Variants in SLC67A2 observed in about 807,000 individuals in gnomAD.
SLC67A2 encodes solute carrier family 67 member 2, also known as solute carrier family 67 member A2.
At chr2:102,736,308 C>G in the SLC67A2 span, among the ~76,000 whole-genome samples, 1 of 152,140 alleles carries the variant, frequency 6.6e-6, no homozygotes, top group African/African-American at 2.4e-5. Flanking sequence ...AGCTTGCCCA[C>G]ACCCCTGTTC....
chr2:102,732,652 A>G, the SLC67A2 span, among the ~76,000 whole-genome samples: 55 of 152,362 alleles, frequency 3.6e-4, no homozygotes, highest in South Asian at 8.3e-4. Flanking sequence ...TTCCTCAAAC[A>G]AAACAGACAA....
chr2:102,725,938 C>G, the SLC67A2 span, among the ~76,000 whole-genome samples: 1 of 152,130 alleles, frequency 6.6e-6, no homozygotes, highest in East Asian at 1.9e-4. Flanking sequence ...CCTGCCAGTG[C>G]TCTGACAGGT....
the SLC67A2 span, among the ~76,000 whole-genome samples, chr2:102,714,869 T>C: frequency 3.1e-3 from 479 of 152,328 alleles, 6 homozygotes; most frequent in African/African-American, 0.011. Context: ...TCCAAATAAA[T>C]AGCTGTTTTC....
the SLC67A2 span, chr2:102,716,210 T>TTA: frequency 6.6e-6 from 1 of 152,234 alleles, no homozygotes; most frequent in Non-Finnish European, 1.5e-5. Context: ...ATGTGTCTGA[T>TTA]TATAAAGACT....
chr2:102,736,720 C>G, the SLC67A2 span: 3 of 1,613,832 alleles, frequency 1.9e-6, no homozygotes, highest in Admixed American at 3.3e-5. Flanking sequence ...GCCTCCGCCT[C>G]GGTTCCTGTC....
At chr2:102,734,883 G>A in the SLC67A2 span, among the ~76,000 whole-genome samples, 2 of 152,152 alleles carry the variant, frequency 1.3e-5, no homozygotes, top group Admixed American at 6.5e-5. Flanking sequence ...AATGATCTGC[G>A]AATTGCTTTG....
the SLC67A2 span, among the ~76,000 whole-genome samples, chr2:102,733,967 TTCCTC>T: frequency 2.0e-5 from 3 of 152,176 alleles, no homozygotes; most frequent in Non-Finnish European, 1.5e-5. Flanking sequence ...CACTGAATCT[TTCCTC>T]TCAGGAAGTT....
chr2:102,736,645 C>T, the SLC67A2 span: 1 of 1,613,968 alleles, frequency 6.2e-7, no homozygotes, highest in Non-Finnish European at 8.5e-7. Context: ...CTCGCACTCA[C>T]CAAGAAGCCC....
At chr2:102,735,781 T>C in the SLC67A2 span, among the ~76,000 whole-genome samples, 1 of 151,874 alleles carries the variant, frequency 6.6e-6, no homozygotes, top group East Asian at 2.0e-4. Flanking sequence ...ATGAATCAGC[T>C]TACTAAACTT....
chr2:102,718,795 C>A, the SLC67A2 span: 2 of 1,613,768 alleles, frequency 1.2e-6, no homozygotes, highest in Non-Finnish European at 1.7e-6. Context: ...GCAGTGCCTG[C>A]GAGTTGTGCT....
the SLC67A2 span, among the ~76,000 whole-genome samples, chr2:102,731,221 G>GA: frequency 6.6e-6 from 1 of 150,996 alleles, no homozygotes; most frequent in Non-Finnish European, 1.5e-5. Context: ...TTTCTACTTG[G>GA]AAAAATGGAA....
At chr2:102,727,425 C>T in the SLC67A2 span, among the ~76,000 whole-genome samples, 1 of 152,170 alleles carries the variant, frequency 6.6e-6, no homozygotes, top group South Asian at 2.1e-4. Flanking sequence ...AGTGGTCATA[C>T]AATATGCTCT....
chr2:102,733,233 T>A, the SLC67A2 span, among the ~76,000 whole-genome samples: 1 of 152,234 alleles, frequency 6.6e-6, no homozygotes, highest in African/African-American at 2.4e-5. Flanking sequence ...CTCACTAGGT[T>A]ACCTGCTACA....
the SLC67A2 span, among the ~76,000 whole-genome samples, chr2:102,735,381 C>T: frequency 2.0e-4 from 31 of 152,318 alleles, no homozygotes; most frequent in South Asian, 5.2e-3. Context: ...ACCAACTGAA[C>T]GCCTTGCATG....
the SLC67A2 span, chr2:102,716,193 T>C: frequency 6.6e-6 from 1 of 152,252 alleles, no homozygotes; most frequent in Non-Finnish European, 1.5e-5. Flanking sequence ...TGGTTTTCTA[T>C]ATTTCCATGT....
the SLC67A2 span, chr2:102,718,611 T>A: frequency 2.5e-6 from 4 of 1,612,846 alleles, no homozygotes; most frequent in Non-Finnish European, 3.4e-6. Context: ...CCCACGCCAA[T>A]AAGGGTGCCG....
chr2:102,727,000 G>C, the SLC67A2 span: 5 of 1,607,576 alleles, frequency 3.1e-6, no homozygotes, highest in African/African-American at 6.7e-5. Flanking sequence ...AAAAGCCCTT[G>C]GACCCCATTC....
At chr2:102,732,031 T>C in the SLC67A2 span, 1 of 538,536 alleles carries the variant, frequency 1.9e-6, no homozygotes, top group South Asian at 1.6e-5. Context: ...TACCCTTTTA[T>C]ACACACAGCC....
the SLC67A2 span, chr2:102,736,627 C>G: frequency 1.2e-6 from 2 of 1,613,722 alleles, no homozygotes; most frequent in African/African-American, 1.3e-5. Flanking sequence ...TTGCTCCCAG[C>G]CCCCACGCTC....
Sources: gnomAD v4.1 joint callset for allele counts (sites outside exome capture counted in the v4.1 genomes callset) on GRCh38, gnomAD v4.1.1 for gene constraint, MANE v1.5 for transcripts, NCBI Gene and HGNC (gene_info 2026-07-23, HGNC 2026-07-21) for gene names.